The following TAF1B variants were observed in gnomAD, a reference collection of about 807,000 sequenced individuals.
TAF1B encodes TATA box-binding protein-associated factor RNA polymerase I subunit B.
In TAF1B, 61 loss-of-function variants were observed where a neutral mutation model predicts 83.9. That is an observed-to-expected ratio of 0.73 (90% confidence interval 0.59 to 0.90). TAF1B has a LOEUF of 0.90. Among genes scored for constraint, TAF1B ranks in the 40% least tolerant of loss-of-function variants. The pLI, the probability that TAF1B is intolerant of heterozygous loss-of-function variation, is 0.00. For synonymous variants in TAF1B, 221 were observed against 224.6 expected, an observed-to-expected ratio of 0.98 and a Z score of 0.14; for missense variants, 625 against 677.0, an observed-to-expected ratio of 0.92 and a Z score of 0.85.
intron 8 of TAF1B, among the ~76,000 whole-genome samples, chr2:9,901,133 A>G (rs959603624): frequency 1.1e-4 from 16 of 152,220 alleles, no homozygotes; most frequent in Non-Finnish European, 2.1e-4. Context: ...AAAATGGGAA[A>G]CAACCTAAAT....
At chr2:9,932,983 C>T (rs1666263405) in intron 14 of TAF1B, among the ~76,000 whole-genome samples, 1 of 152,226 alleles carries the variant, frequency 6.6e-6, no homozygotes, top group Non-Finnish European at 1.5e-5. Context: ...CTGAGCCAGG[C>T]TCAGGTTATA....
At chr2:9,931,788 G>A (rs527340341) in intron 14 of TAF1B, among the ~76,000 whole-genome samples, 6 of 152,256 alleles carry the variant, frequency 3.9e-5, no homozygotes, top group South Asian at 2.1e-4. Context: ...CATTCTCCCC[G>A]TCACTTTCAG....
intron 3 of TAF1B, 89 bp downstream of exon 3, chr2:9,849,549 G>T: frequency 1.0e-6 from 1 of 1,002,812 alleles, no homozygotes; most frequent in Non-Finnish European, 1.4e-6. Flanking sequence ...TTTTAAGTAG[G>T]TTCTAGAGAA....
At chr2:9,897,084 C>T (rs1665041375) in intron 8 of TAF1B, among the ~76,000 whole-genome samples, 1 of 152,114 alleles carries the variant, frequency 6.6e-6, no homozygotes, top group South Asian at 2.1e-4. Flanking sequence ...TGACTTGAAG[C>T]CCTATTTACT....
intron 8 of TAF1B, among the ~76,000 whole-genome samples, chr2:9,887,742 T>C (rs1664724432): frequency 6.6e-6 from 1 of 152,332 alleles, no homozygotes; most frequent in African/African-American, 2.4e-5. Flanking sequence ...ATTATCAGTA[T>C]AGTTGGGTTT....
chr2:9,883,151 A>G (rs1340422349), intron 8 of TAF1B, among the ~76,000 whole-genome samples: 2 of 152,184 alleles, frequency 1.3e-5, no homozygotes, highest in African/African-American at 4.8e-5. Context: ...TTTGCACACT[A>G]TATTGCTATG....
chr2:9,858,646 AG>A (rs1211859618), intron 5 of TAF1B, among the ~76,000 whole-genome samples: 2 of 152,222 alleles, frequency 1.3e-5, no homozygotes, highest in African/African-American at 4.8e-5. Context: ...TCTGTAATCT[AG>A]GCAGAGGTTC....
chr2:9,920,779 G>A (rs775254044), intron 14 of TAF1B, among the ~76,000 whole-genome samples: 7 of 152,196 alleles, frequency 4.6e-5, no homozygotes, highest in East Asian at 1.9e-4. Context: ...TTCTGTCCTC[G>A]TATCTGTCGA....
At position 9,904,885 on chromosome 2, in the gene TAF1B, C is replaced by T. The variant is rs400917; in HGVS notation, c.834C>T (p.Tyr278=). 1,473,187 of 1,609,962 alleles carry T rather than the reference C, an allele frequency of 0.92. 677,125 individuals carry two copies. The highest frequency in any genetic ancestry group is 0.94 in the Admixed American group (56,471 of 60,014). The change falls in exon 9 of 15, where the codon TAC becomes TAT. Residue 278 remains tyrosine, a synonymous_variant. Transcript: ENST00000263663. ...IESWPDYEDI[Y]KKTVEVGTFL... ...CTTGGCCTGACTACGAGGACATCTA[C>T]AAAAAAACAGTAGAAGTTGGAACAT...
chr2:9,876,155 A>G (rs1664316456), intron 7 of TAF1B, 137 bp downstream of exon 7: 5 of 805,324 alleles, frequency 6.2e-6, no homozygotes, highest in Non-Finnish European at 9.1e-6. Context: ...CCTGAATTCT[A>G]ATTCTGAAAT....
chr2:9,843,641 GCGGGTTGGGGCGGCGACGCCA>G (rs1401254160), intron 1 of TAF1B, 82 bp downstream of exon 1: 44 of 1,373,814 alleles, frequency 3.2e-5, no homozygotes, highest in Non-Finnish European at 4.1e-5. Context: ...GGAGGACGCC[GCGGGTTGGGGCGGCGACGCCA>G]CCGGCTGGAG....
intron 6 of TAF1B, among the ~76,000 whole-genome samples, chr2:9,870,078 T>G (rs1311662713): frequency 6.6e-6 from 1 of 151,370 alleles, no homozygotes; most frequent in Non-Finnish European, 1.5e-5. Flanking sequence ...TTCTTCATTC[T>G]TTAAATTTTT....
intron 8 of TAF1B, among the ~76,000 whole-genome samples, chr2:9,903,846 G>A (rs1168042915): frequency 6.6e-6 from 1 of 152,196 alleles, no homozygotes; most frequent in Non-Finnish European, 1.5e-5. Context: ...AAGGCAAGAA[G>A]TAGTGATTTT....
chr2:9,929,142 T>TTTGTTGTTGTTG (rs70948857), intron 14 of TAF1B, among the ~76,000 whole-genome samples: 23,455 of 150,904 alleles, frequency 0.16, 1,906 homozygotes, highest in South Asian at 0.24. Flanking sequence ...ATTGGTTCTG[T>TTTGTTGTTGTTG]TTGTTGTTGT....
Position 9,919,035 on chromosome 2 carries a change from G to GT in TAF1B, c.1272-5dup. 1 of 1,613,040 alleles carries GT rather than the reference G, an allele frequency of 6.2e-7. No individual in the cohort carries two copies. Among genetic ancestry groups the GT allele is most frequent in the Non-Finnish European group, 8.5e-7 (1 of 1,179,278 alleles). ...CCTGCTCCAGCTGTTTCTTTACCTTGTACAGGTACCTGTGGAAAAGTGAAA... is the reference window on the plus strand; with the variant it reads ...CCTGCTCCAGCTGTTTCTTTACCTTGTTACAGGTACCTGTGGAAAAGTGAAA... On this transcript the variant is annotated splice_polypyrimidine_tract_variant and splice_region_variant and intron_variant, in intron 12 of 14. Transcript: ENST00000263663.
chr2:9,881,413 A>C (rs1558247486), intron 7 of TAF1B, among the ~76,000 whole-genome samples: 1 of 152,036 alleles, frequency 6.6e-6, no homozygotes, highest in Non-Finnish European at 1.5e-5. Flanking sequence ...CCAGCTCTTC[A>C]AGGCAATGCA....
At chr2:9,843,699 G>A in intron 1 of TAF1B, 140 bp downstream of exon 1, 1 of 1,007,832 alleles carries the variant, frequency 9.9e-7, no homozygotes, top group South Asian at 1.8e-5. Context: ...GCTGCAGGGC[G>A]GGCTAAGGAC....
At chr2:9,850,018 T>TAC (rs1663335024) in intron 3 of TAF1B, among the ~76,000 whole-genome samples, 4 of 88,742 alleles carry the variant, frequency 4.5e-5, no homozygotes, top group Admixed American at 2.5e-4. Flanking sequence ...TTAAAAAATA[T>TAC]ATATATATAT....
chr2:9,847,640 A>G (rs1663249982), intron 2 of TAF1B, among the ~76,000 whole-genome samples: 1 of 142,858 alleles, frequency 7.0e-6, no homozygotes, highest in South Asian at 2.3e-4. Flanking sequence ...AGTATATTTT[A>G]TCCAGGAAAA....
Sources: gnomAD v4.1 joint callset for allele counts (sites outside exome capture counted in the v4.1 genomes callset) on GRCh38, gnomAD v4.1.1 for gene constraint, MANE v1.5 for transcripts, NCBI Gene and HGNC (gene_info 2026-07-23, HGNC 2026-07-21) for gene names.